ADGRL3: variants seen among roughly 807,000 people sequenced by gnomAD.
ADGRL3 encodes the protein adhesion G protein-coupled receptor L3, also known as calcium-independent alpha-latrotoxin receptor 3.
ADGRL3 carries 62 observed loss-of-function variants against 153.5 expected under a neutral mutation model. The ratio of observed to expected loss-of-function variants is 0.40; its 90% confidence interval spans 0.33 to 0.50. The LOEUF is 0.50. Ranked by LOEUF, ADGRL3 falls within the 20% of genes least tolerant of loss-of-function variation. The pLI is 0.47. For missense variants in ADGRL3, 1,641 were observed against 1,859.4 expected (o/e 0.88, Z 2.16); for synonymous variants, 710 against 672.5 (o/e 1.06, Z -0.86).
chr4:61,325,909 G>T (rs943365906), intron 1 of ADGRL3, among the ~76,000 whole-genome samples: 1 of 152,094 alleles, frequency 6.6e-6, no homozygotes, highest in Non-Finnish European at 1.5e-5. Context: ...GAGAATATTA[G>T]AACTCATTAC....
At chr4:61,807,284 G>T (rs942369893) in intron 8 of ADGRL3, among the ~76,000 whole-genome samples, 2 of 151,324 alleles carry the variant, frequency 1.3e-5, no homozygotes, top group African/African-American at 4.9e-5. Context: ...TTGTGTTGAG[G>T]TGTTATTTTG....
At position 61,526,080 on chromosome 4, in the gene ADGRL3, TCAAGA is replaced by T. The variant is rs2098556919; in HGVS notation, c.259+8565_259+8569del. On this transcript the variant is annotated intron_variant, in intron 4 of 26. Transcript: ENST00000683033. ...AAAAAATGCAAGCCATTGAGGGTGA[TCAAGA>T]CATGGGTTGATACAATTGGTAAACT... Among the ~76,000 whole-genome samples the T allele has an allele frequency of 2.0e-5, 3 of 152,184 alleles. No individual in the cohort carries two copies. In the South Asian group the frequency reaches 6.2e-4, roughly 31 times the overall value.
chr4:61,438,929 G>T (rs1389362355), intron 2 of ADGRL3, among the ~76,000 whole-genome samples: 2 of 151,922 alleles, frequency 1.3e-5, no homozygotes, highest in East Asian at 1.9e-4. Context: ...GGATGGTCTC[G>T]ATCGCCTGAC....
At chr4:61,390,569 A>G (rs969603182) in intron 2 of ADGRL3, among the ~76,000 whole-genome samples, 7 of 152,300 alleles carry the variant, frequency 4.6e-5, no homozygotes, top group African/African-American at 1.7e-4. Flanking sequence ...ATACATTTAA[A>G]TTTTTTGAGA....
intron 1 of ADGRL3, among the ~76,000 whole-genome samples, chr4:61,282,809 G>A (rs1418911379): frequency 6.6e-6 from 1 of 151,974 alleles, no homozygotes; most frequent in African/African-American, 2.4e-5. Context: ...GTTGAGGTTT[G>A]TTACTGATCT....
chr4:61,537,875 A>G (rs1030660834), intron 4 of ADGRL3, among the ~76,000 whole-genome samples: 1 of 152,012 alleles, frequency 6.6e-6, no homozygotes, highest in East Asian at 1.9e-4. Flanking sequence ...CCTGAATTAT[A>G]TTTCTGGTTT....
At chr4:62,045,239 C>G (rs949067238) in intron 25 of ADGRL3, among the ~76,000 whole-genome samples, 15 of 151,732 alleles carry the variant, frequency 9.9e-5, no homozygotes, top group Admixed American at 7.3e-4. Context: ...TTCTCTTTCT[C>G]TCTCAACCTC....
intron 8 of ADGRL3, among the ~76,000 whole-genome samples, chr4:61,744,917 G>A (rs530020787): frequency 6.6e-6 from 1 of 152,230 alleles, no homozygotes; most frequent in African/African-American, 2.4e-5. Context: ...AAACTACTCC[G>A]AGCTACAGGA....
intron 1 of ADGRL3, among the ~76,000 whole-genome samples, chr4:61,324,476 G>A (rs968784054): frequency 6.6e-6 from 1 of 152,110 alleles, no homozygotes. Flanking sequence ...AGAAGATGTA[G>A]TAAGGTAGAT....
intron 11 of ADGRL3, among the ~76,000 whole-genome samples, chr4:61,905,007 A>G (rs892270975): frequency 3.9e-5 from 6 of 152,206 alleles, no homozygotes; most frequent in Admixed American, 3.3e-4. Context: ...CAAAATAATT[A>G]CATAAGAACC....
chr4:61,845,402 G>C (rs989066542), intron 9 of ADGRL3, among the ~76,000 whole-genome samples: 1 of 151,898 alleles, frequency 6.6e-6, no homozygotes, highest in East Asian at 1.9e-4. Context: ...TGGGCTGGGA[G>C]TACAGTGGCA....
chr4:61,256,888 A>C (rs1462463383), intron 1 of ADGRL3, among the ~76,000 whole-genome samples: 2 of 152,148 alleles, frequency 1.3e-5, no homozygotes, highest in African/African-American at 4.8e-5. Context: ...AATATTTCCT[A>C]CAAAAATGCC....
chr4:61,533,286 G>A (rs976935115), intron 4 of ADGRL3, among the ~76,000 whole-genome samples: 3 of 152,152 alleles, frequency 2.0e-5, no homozygotes, highest in East Asian at 1.9e-4. Context: ...TGGCAAGTGG[G>A]ATCTCTGTAG....
At chr4:61,382,457 T>G (rs2096681268) in intron 1 of ADGRL3, among the ~76,000 whole-genome samples, 1 of 151,698 alleles carries the variant, frequency 6.6e-6, no homozygotes, top group Non-Finnish European at 1.5e-5. Context: ...TACTATTTTC[T>G]GGGTGTAAAA....
intron 8 of ADGRL3, among the ~76,000 whole-genome samples, chr4:61,755,124 G>T (rs2096807598): frequency 6.6e-6 from 1 of 152,094 alleles, no homozygotes; most frequent in Non-Finnish European, 1.5e-5. Flanking sequence ...AATCTTTTGG[G>T]TATATACCCA....
At chr4:61,738,952 A>G (rs1282400602) in intron 8 of ADGRL3, among the ~76,000 whole-genome samples, 1 of 152,170 alleles carries the variant, frequency 6.6e-6, no homozygotes, top group African/African-American at 2.4e-5. Context: ...TTTAAAATTC[A>G]TTTACTATGT....
At chr4:61,635,469 C>T (rs1279930484) in intron 5 of ADGRL3, among the ~76,000 whole-genome samples, 1 of 152,072 alleles carries the variant, frequency 6.6e-6, no homozygotes, top group East Asian at 1.9e-4. Flanking sequence ...TGGCCCTATA[C>T]CGTTGGGACA....
chr4:61,531,481 T>C (rs1042731237), intron 4 of ADGRL3, among the ~76,000 whole-genome samples: 1 of 152,120 alleles, frequency 6.6e-6, no homozygotes, highest in African/African-American at 2.4e-5. Context: ...AGTGGCTTGA[T>C]GTGGTGAGAG....
chr4:61,358,691 T>TAGGGCATCTAGATACAACTAGATG (rs2096234045), intron 1 of ADGRL3, among the ~76,000 whole-genome samples: 5 of 152,066 alleles, frequency 3.3e-5, no homozygotes, highest in African/African-American at 4.8e-5. Flanking sequence ...TTCCTTGTAT[T>TAGGGCATCTAGATACAACTAGATG]TTTCTGGCAT....
Sources: allele counts gnomAD v4.1 joint callset (sites outside exome capture counted in the v4.1 genomes callset), GRCh38; gene constraint gnomAD v4.1.1; transcripts MANE v1.5; gene names NCBI Gene and HGNC (gene_info 2026-07-23, HGNC 2026-07-21).